The following SOBP variants were observed in gnomAD, a reference collection of about 807,000 sequenced individuals.
SOBP encodes the protein sine oculis-binding protein homolog.
Under a neutral mutation model 53.6 loss-of-function variants are expected in SOBP, and 4 were observed. The ratio of observed to expected loss-of-function variants is 0.07; its 90% CI spans 0.04 to 0.17. The LOEUF (loss-of-function observed/expected upper bound fraction) is 0.17, where lower values mean the gene tolerates loss of function less well. Among genes scored for constraint, SOBP ranks in the 10% least tolerant of loss-of-function variants. The pLI, the probability that SOBP is intolerant of heterozygous loss-of-function variation, is 1.00. For missense variants in SOBP, 1,088 were observed against 1,204.7 expected (o/e 0.90, Z 1.43); for synonymous variants, 584 against 522.6 (o/e 1.12, Z -1.60).
At chr6:107,509,636 T>G (rs1308642054) in intron 3 of SOBP, among the ~76,000 whole-genome samples, 1 of 152,172 alleles carries the variant, frequency 6.6e-6, no homozygotes, top group Non-Finnish European at 1.5e-5. Flanking sequence ...CCAAAAAACC[T>G]GCCCTGGAGT....
At chr6:107,605,547 A>G (rs1365803515) in intron 5 of SOBP, among the ~76,000 whole-genome samples, 1 of 152,240 alleles carries the variant, frequency 6.6e-6, no homozygotes, top group East Asian at 1.9e-4. Context: ...GTGTGTCCTT[A>G]GAAGCTGAGT....
Position 107,506,253 on chromosome 6 carries a change from C to G in SOBP, c.247C>G (p.Pro83Ala). ...HISVLKENSL[P>A]KPKLPEDSVI... ...TTTTTCTTTTACAGAAAATTCTTTG[C>G]CAAAACCAAAATTACCCGAGGACAG... The change falls in exon 3 of 7, where the codon CCA becomes GCA. Residue 83 changes from proline (P) to alanine (A), a missense_variant. Around this residue, in one of 6 missense-constraint regions of SOBP, gnomAD observed 112 missense variants for 117.9 expected, o/e 0.95. Transcript: ENST00000317357. 6.2e-7 allele frequency: 1 copy of G among 1,614,014 alleles called. No homozygotes were observed. Among genetic ancestry groups the G allele is most frequent in the South Asian group, 1.1e-5 (1 of 91,084 alleles).
At chr6:107,493,145 A>G (rs1399007869) in intron 1 of SOBP, among the ~76,000 whole-genome samples, 1 of 152,188 alleles carries the variant, frequency 6.6e-6, no homozygotes, top group Non-Finnish European at 1.5e-5. Context: ...GAGTAACATA[A>G]CAAGTTGGTT....
intron 3 of SOBP, among the ~76,000 whole-genome samples, chr6:107,507,511 G>T (rs995766409): frequency 6.6e-6 from 1 of 152,020 alleles, no homozygotes; most frequent in African/African-American, 2.4e-5. Flanking sequence ...TCACCATGTT[G>T]CCCAGGCTGG....
At chr6:107,517,863 T>C (rs1197719335) in intron 3 of SOBP, among the ~76,000 whole-genome samples, 1 of 152,194 alleles carries the variant, frequency 6.6e-6, no homozygotes, top group Non-Finnish European at 1.5e-5. Flanking sequence ...TAATTACATA[T>C]AATACAATTA....
At chr6:107,544,430 G>A (rs75298295) in intron 4 of SOBP, among the ~76,000 whole-genome samples, 3,485 of 152,304 alleles carry the variant, frequency 0.023, 137 homozygotes, top group African/African-American at 0.077. Flanking sequence ...TCCATTGAGG[G>A]ACAGATGTTT....
At chr6:107,556,404 C>T (rs1482744844) in intron 4 of SOBP, among the ~76,000 whole-genome samples, 1 of 152,208 alleles carries the variant, frequency 6.6e-6, no homozygotes, top group Admixed American at 6.5e-5. Flanking sequence ...CTTCTGTGCA[C>T]ACACACAAAT....
At chr6:107,541,814 T>C (rs903247773) in intron 4 of SOBP, among the ~76,000 whole-genome samples, 5 of 152,170 alleles carry the variant, frequency 3.3e-5, no homozygotes, top group East Asian at 1.9e-4. Context: ...AACTGTAGGA[T>C]TGTATGTTTC....
chr6:107,590,299 G>A (rs907604881), intron 5 of SOBP, among the ~76,000 whole-genome samples: 7 of 152,174 alleles, frequency 4.6e-5, no homozygotes, highest in Non-Finnish European at 7.3e-5. Context: ...GGAACATTGA[G>A]AGGGTTTTGA....
chr6:107,566,157 G>T (rs746308397), intron 4 of SOBP, among the ~76,000 whole-genome samples: 1 of 152,184 alleles, frequency 6.6e-6, no homozygotes, highest in African/African-American at 2.4e-5. Context: ...TGTCTAATCC[G>T]TACATTTAGT....
At chr6:107,604,289 T>C (rs900213613) in intron 5 of SOBP, among the ~76,000 whole-genome samples, 3 of 152,212 alleles carry the variant, frequency 2.0e-5, no homozygotes, top group African/African-American at 7.2e-5. Context: ...TCTGGTATCC[T>C]ATTAGTATTC....
At chr6:107,566,880 T>C (rs982344818) in intron 4 of SOBP, among the ~76,000 whole-genome samples, 1 of 152,194 alleles carries the variant, frequency 6.6e-6, no homozygotes, top group African/African-American at 2.4e-5. Context: ...TGCCCTTGGG[T>C]CATGTGCCCA....
chr6:107,497,310 G>A (rs1782726743), intron 1 of SOBP, among the ~76,000 whole-genome samples: 1 of 152,104 alleles, frequency 6.6e-6, no homozygotes, highest in Admixed American at 6.5e-5. Flanking sequence ...CCACTTTCTT[G>A]GATAATGGGT....
intron 3 of SOBP, among the ~76,000 whole-genome samples, chr6:107,525,521 T>A (rs1192673492): frequency 2.0e-5 from 3 of 152,240 alleles, no homozygotes; most frequent in Non-Finnish European, 4.4e-5. Flanking sequence ...AATTTGACTC[T>A]GGAGTCACCT....
chr6:107,608,797 C>T (rs1786484829), intron 5 of SOBP, among the ~76,000 whole-genome samples: 1 of 152,222 alleles, frequency 6.6e-6, no homozygotes. Context: ...ATTATAGTGA[C>T]CTGTGCTTTG....
At position 107,634,903 on chromosome 6, in the gene SOBP, C is replaced by A. The variant is rs1277454682; in HGVS notation, c.2059C>A (p.Arg687Ser). 1.6e-6 allele frequency: 2 copies of A among 1,271,126 alleles called. No individual in the cohort carries two copies. The highest frequency in any genetic ancestry group is 1.0e-6 in the Non-Finnish European group (1 of 999,014). 78.7% of individuals were successfully genotyped at this position (1,271,126 alleles called of 1,614,324 possible). ...GGAGCGCGAGCCGAGCGCCGCGGAG[C>A]GCAGGACCTGCGGCGGCTGCAGGGA... ...KAEREPSAAERRTCGGCRDGH... is the reference protein window; with the variant it reads ...KAEREPSAAESRTCGGCRDGH... The change falls in exon 6 of 7, where the codon CGC becomes AGC. Residue 687 changes from arginine (R) to serine (S), a missense_variant. Transcript: ENST00000317357. This position sits in a 1 kb window ranked among gnomAD's most constrained non-coding sequence, Gnocchi z 4.5.
intron 5 of SOBP, among the ~76,000 whole-genome samples, chr6:107,596,689 A>C (rs1785959267): frequency 6.6e-6 from 1 of 152,224 alleles, no homozygotes; most frequent in Admixed American, 6.5e-5. Context: ...TTGCATGTCC[A>C]TCAATATTTC....
chr6:107,510,352 A>G (rs1364626581), intron 3 of SOBP, among the ~76,000 whole-genome samples: 1 of 152,182 alleles, frequency 6.6e-6, no homozygotes, highest in Non-Finnish European at 1.5e-5. Flanking sequence ...CAGGCTATGG[A>G]CTTTGCCGAG....
intron 5 of SOBP, among the ~76,000 whole-genome samples, chr6:107,594,074 T>C (rs150077092): frequency 3.5e-4 from 53 of 152,310 alleles, no homozygotes; most frequent in Non-Finnish European, 5.3e-4. Flanking sequence ...CTTGGACTCT[T>C]AAGCCAGATT....
Sources: gnomAD v4.1 joint callset for allele counts (sites outside exome capture counted in the v4.1 genomes callset) on GRCh38, gnomAD v4.1.1 for gene constraint, gnomAD v4.1.1 regional missense constraint, Gnocchi (gnomAD v3.1) non-coding constraint, MANE v1.5 for transcripts, NCBI Gene and HGNC (gene_info 2026-07-23, HGNC 2026-07-21) for gene names.